NAALADL2: variants seen among roughly 807,000 people sequenced by gnomAD.
NAALADL2 encodes N-acetylated alpha-linked acidic dipeptidase like 2, also known as inactive N-acetylated-alpha-linked acidic dipeptidase-like protein 2.
NAALADL2 carries 76 observed loss-of-function variants against 87.2 expected under a neutral mutation model. That is an observed-to-expected ratio of 0.87 (90% CI 0.72 to 1.05). The LOEUF (loss-of-function observed/expected upper bound fraction) is 1.05. Ranked by LOEUF, NAALADL2 falls within the 50% of genes least tolerant of loss-of-function variation. The pLI is 0.00. For synonymous variants in NAALADL2, 354 were observed against 331.0 expected (o/e 1.07, Z -0.75); for missense variants, 1,089 against 945.8 (o/e 1.15, Z -1.99).
intron 4 of NAALADL2, among the ~76,000 whole-genome samples, chr3:175,318,828 T>G (rs1759479880): frequency 6.6e-6 from 1 of 152,210 alleles, no homozygotes; most frequent in South Asian, 2.1e-4. Context: ...CTGATCTGAT[T>G]TCTGGTCCCA....
intron 8 of NAALADL2, among the ~76,000 whole-genome samples, chr3:175,467,563 C>T (rs1016577292): frequency 3.3e-5 from 5 of 152,176 alleles, no homozygotes; most frequent in Non-Finnish European, 7.4e-5. Flanking sequence ...AATTAGGGAA[C>T]AGTCTCCTAT....
At chr3:175,259,530 A>G (rs1470371774) in intron 4 of NAALADL2, among the ~76,000 whole-genome samples, 1 of 152,186 alleles carries the variant, frequency 6.6e-6, no homozygotes. Context: ...AGAAAGTTCT[A>G]TTGCTTTTGG....
intron 4 of NAALADL2, among the ~76,000 whole-genome samples, chr3:175,305,144 A>G (rs1489591248): frequency 6.6e-6 from 1 of 152,150 alleles, no homozygotes; most frequent in African/African-American, 2.4e-5. Context: ...GATAAATAAT[A>G]TGGTCAATAA....
chr3:174,814,498 T>C (rs1387806755), intron 3 of NAALADL2, among the ~76,000 whole-genome samples: 1 of 152,172 alleles, frequency 6.6e-6, no homozygotes, highest in Non-Finnish European at 1.5e-5. Context: ...TTGTGCACTT[T>C]AGGCCATGGA....
intron 2 of NAALADL2, among the ~76,000 whole-genome samples, chr3:174,567,217 T>C (rs1377308900): frequency 6.6e-6 from 1 of 151,648 alleles, no homozygotes; most frequent in Non-Finnish European, 1.5e-5. Context: ...ATTTTTATTA[T>C]GTTTTACATT....
intron 10 of NAALADL2, chr3:175,581,193 G>A: frequency 2.8e-6 from 1 of 356,632 alleles, no homozygotes; most frequent in South Asian, 2.2e-5. Flanking sequence ...TGTCATCTCT[G>A]CCCTTTGTGA....
Position 175,176,446 on chromosome 3 carries a change from G to A in NAALADL2, c.546-57485G>A, listed in dbSNP as rs541339830. Among the ~76,000 whole-genome samples the A allele has an allele frequency of 2.6e-5, 4 of 152,228 alleles. No individual in the cohort carries two copies. In the East Asian group the frequency reaches 5.8e-4, roughly 22 times the overall value. On this transcript the variant is annotated intron_variant, in intron 2 of 13. Transcript: ENST00000454872. ...TCAGACATTGTCAGAGAAGATATCA[G>A]AACACAATTCTGGTAGACAGAATAA...
chr3:174,674,040 C>T (rs1254575390), intron 2 of NAALADL2, among the ~76,000 whole-genome samples: 1 of 151,938 alleles, frequency 6.6e-6, no homozygotes, highest in African/African-American at 2.4e-5. Context: ...AATTCACTTA[C>T]AGCTCTGCAG....
chr3:174,840,787 A>G (rs1176366625), intron 3 of NAALADL2, among the ~76,000 whole-genome samples: 1 of 152,086 alleles, frequency 6.6e-6, no homozygotes, highest in Non-Finnish European at 1.5e-5. Flanking sequence ...CCACCGTAGG[A>G]AAGACAGCAG....
chr3:175,394,848 C>T (rs73186713), intron 5 of NAALADL2, among the ~76,000 whole-genome samples: 10,576 of 152,182 alleles, frequency 0.069, 533 homozygotes, highest in Non-Finnish European at 0.1. Flanking sequence ...GGTGCAACAG[C>T]AAAACTAGCA....
intron 3 of NAALADL2, among the ~76,000 whole-genome samples, chr3:174,854,314 T>C (rs1725606942): frequency 6.6e-6 from 1 of 152,144 alleles, no homozygotes; most frequent in Non-Finnish European, 1.5e-5. Context: ...CACTCATATG[T>C]GAGACATACA....
rs760060951 is a variant in NAALADL2 at position 175,691,256 on chromosome 3, A to AATAT, written c.1897-46038_1897-46035dup. 4.7e-5 allele frequency among the ~76,000 whole-genome samples: 7 copies of AATAT among 149,036 alleles called. No homozygotes were observed. The South Asian group carries it at 1.1e-3, about 22-fold the overall frequency. The stretch of plus-strand genomic sequence containing the variant: ...TCTGTGTGTATATATACACACAGAT[A>AATAT]ATATATATATATATACACACAGATG... On this transcript the variant is annotated intron_variant, in intron 11 of 13. Coordinates refer to ENST00000454872, the MANE Select transcript of NAALADL2 (RefSeq NM_207015.3).
intron 3 of NAALADL2, among the ~76,000 whole-genome samples, chr3:174,758,464 G>A (rs900116971): frequency 2.6e-5 from 4 of 152,160 alleles, no homozygotes; most frequent in Non-Finnish European, 5.9e-5. Context: ...GGAATATGAA[G>A]TCATAAGCAA....
At chr3:175,709,051 G>C (rs1386933129) in intron 11 of NAALADL2, among the ~76,000 whole-genome samples, 1 of 151,892 alleles carries the variant, frequency 6.6e-6, no homozygotes, top group Admixed American at 6.6e-5. Context: ...GGGTTCTTGG[G>C]GTGACTCTTA....
At chr3:174,866,004 G>A (rs186836167) in intron 1 of NAALADL2, among the ~76,000 whole-genome samples, 6 of 151,958 alleles carry the variant, frequency 3.9e-5, no homozygotes, top group African/African-American at 7.2e-5. Context: ...ATATATGCCA[G>A]AACATGCTGA....
intron 13 of NAALADL2, among the ~76,000 whole-genome samples, chr3:175,793,655 A>G (rs968049202): frequency 7.2e-5 from 11 of 152,142 alleles, no homozygotes; most frequent in Non-Finnish European, 1.2e-4. Context: ...AATATAGAAT[A>G]AAGTGAAAAA....
chr3:175,092,651 T>A (rs1486358673), intron 1 of NAALADL2, among the ~76,000 whole-genome samples: 1 of 151,944 alleles, frequency 6.6e-6, no homozygotes, highest in Non-Finnish European at 1.5e-5. Context: ...TTTTAAACTA[T>A]CATATGTTGA....
intron 2 of NAALADL2, among the ~76,000 whole-genome samples, chr3:174,654,598 G>T (rs1003740461): frequency 6.6e-6 from 1 of 152,144 alleles, no homozygotes; most frequent in Non-Finnish European, 1.5e-5. Flanking sequence ...CTCAAATTGA[G>T]AAGCTGCTCT....
chr3:175,271,749 C>T (rs1333079075), intron 4 of NAALADL2, among the ~76,000 whole-genome samples: 1 of 152,146 alleles, frequency 6.6e-6, no homozygotes, highest in Non-Finnish European at 1.5e-5. Context: ...GAGCCGAGGT[C>T]GTGCCACTGC....
Sources: allele counts gnomAD v4.1 joint callset (sites outside exome capture counted in the v4.1 genomes callset), GRCh38; gene constraint gnomAD v4.1.1; transcripts MANE v1.5; gene names NCBI Gene and HGNC (gene_info 2026-07-23, HGNC 2026-07-21).